Variants in CCDC33 observed in about 807,000 individuals in gnomAD.
CCDC33 encodes the protein coiled-coil domain containing 33.
Under a neutral mutation model 91.9 loss-of-function variants are expected in CCDC33, and 94 were observed. The ratio of observed to expected loss-of-function variants is 1.02; its 90% confidence interval spans 0.87 to 1.21. The LOEUF is 1.21. Ranked by LOEUF, CCDC33 falls within the 50% of genes most tolerant of loss-of-function variation. The pLI is 0.00. For synonymous variants in CCDC33, 396 were observed against 374.5 expected (o/e 1.06, Z -0.66); for missense variants, 940 against 935.5 (o/e 1.00, Z -0.06).
chr15:74,332,480 G>C (rs2060459318), intron 15 of CCDC33, among the ~76,000 whole-genome samples, 199 bp from the exon 16 acceptor site: 1 of 152,212 alleles, frequency 6.6e-6, no homozygotes. Flanking sequence ...AGGAGTTAGA[G>C]AGAACGTTGA....
At chr15:74,269,044 C>G (rs2076245798) in intron 5 of CCDC33, among the ~76,000 whole-genome samples, 1 of 152,226 alleles carries the variant, frequency 6.6e-6, no homozygotes, top group African/African-American at 2.4e-5. Context: ...AGGGCTGAGC[C>G]CACCTTGGGC....
intron 2 of CCDC33, among the ~76,000 whole-genome samples, chr15:74,259,635 T>C (rs2075967376): frequency 1.3e-5 from 2 of 152,158 alleles, no homozygotes; most frequent in South Asian, 4.1e-4. Context: ...TGCTTAACTC[T>C]TTCTCTGCTG....
intron 2 of CCDC33, among the ~76,000 whole-genome samples, chr15:74,221,946 T>G (rs1595883602): frequency 2.7e-5 from 4 of 150,788 alleles, no homozygotes; most frequent in Admixed American, 6.6e-5. Context: ...TTCCCCGGGG[T>G]AAGGGGGAGT....
rs144947847 is a variant in CCDC33, at chr15:74,311,361, C to T, written c.1290+15413C>T. ...ACAAATGGGACACAGTGGGCACATG[C>T]TTCGCAAAAATAATGAGAGGGAAGA... On this transcript the variant is annotated intron_variant, in intron 11 of 18. Coordinates refer to ENST00000398814, the MANE Select transcript of CCDC33 (RefSeq NM_025055.5). 2.0e-5 allele frequency among the ~76,000 whole-genome samples: 3 copies of T among 152,206 alleles called. No homozygotes were observed. The East Asian group carries it at 5.8e-4, about 30-fold the overall frequency.
At chr15:74,326,150 C>A (rs1386619547) in intron 11 of CCDC33, among the ~76,000 whole-genome samples, 2 of 152,134 alleles carry the variant, frequency 1.3e-5, no homozygotes, top group Non-Finnish European at 2.9e-5. Flanking sequence ...CATAGCAAGG[C>A]CCCATCTTTA....
chr15:74,205,361 G>GAT (rs2074236666), intron 1 of CCDC33, among the ~76,000 whole-genome samples: 2 of 152,188 alleles, frequency 1.3e-5, no homozygotes, highest in South Asian at 4.1e-4. Flanking sequence ...TTCTGGGGAG[G>GAT]GCCTCAGGAA....
Position 74,272,769 on chromosome 15 carries a change from A to G in CCDC33, c.639-2A>G. The G allele has an allele frequency of 6.2e-7, 1 of 1,613,938 alleles. No individual in the cohort carries two copies. The highest frequency in any genetic ancestry group is 1.3e-5 in the African/African-American group (1 of 75,062). On this transcript the variant is annotated splice_acceptor_variant, in intron 6 of 18. Coordinates refer to ENST00000398814, the MANE Select transcript of CCDC33 (RefSeq NM_025055.5). LOFTEE classifies it high-confidence loss of function. ...ACTGACCCTGTCTCCCTGCCTCCCC[A>G]GGGTCAGCCAGGCTAACAGGGACCT...
At chr15:74,221,336 G>A in intron 2 of CCDC33, 1 of 976,618 alleles carries the variant, frequency 1.0e-6, no homozygotes, top group Non-Finnish European at 1.2e-6. Context: ...TCCAGAATGA[G>A]AAGGAAGCGG....
In CCDC33 at chr15:74,217,836, A is replaced by T. The variant is rs554095478; in HGVS notation, c.310+255A>T. 2.0e-4 allele frequency among the ~76,000 whole-genome samples: 30 copies of T among 152,110 alleles called. No homozygotes were observed. The South Asian group carries it at 6.0e-3, about 31-fold the overall frequency. ...AGAAGGAAATAGAAGGGCAGATGAG[A>T]GATGGCTTTGTAAATGTAAAAGTGC... On this transcript the variant is annotated intron_variant, in intron 1 of 2. Transcript: ENST00000635913.
intron 2 of CCDC33, among the ~76,000 whole-genome samples, chr15:74,246,347 C>T (rs1447365044): frequency 6.6e-6 from 1 of 152,126 alleles, no homozygotes; most frequent in African/African-American, 2.4e-5. Flanking sequence ...AAAGCTTCTG[C>T]GCAGCAAAGG....
At chr15:74,318,487 G>T in intron 11 of CCDC33, 4 of 592,800 alleles carry the variant, frequency 6.7e-6, no homozygotes, top group East Asian at 3.2e-5. Context: ...CCATGGGCCT[G>T]CCTGCTTCCA....
At chr15:74,266,070 A>G (rs924352691) in intron 3 of CCDC33, among the ~76,000 whole-genome samples, 1 of 152,242 alleles carries the variant, frequency 6.6e-6, no homozygotes, top group African/African-American at 2.4e-5. Context: ...ATGAGAAAAT[A>G]TAGTCTCTTT....
chr15:74,225,565 C>T (rs1188025335), intron 2 of CCDC33, among the ~76,000 whole-genome samples: 1 of 152,104 alleles, frequency 6.6e-6, no homozygotes, highest in Non-Finnish European at 1.5e-5. Context: ...AGATTCACCC[C>T]GAGACACCAA....
At position 74,335,053 on chromosome 15, in the gene CCDC33, AG is replaced by A; in HGVS notation, c.2106del (p.Arg702SerfsTer9). On this transcript the variant is annotated frameshift_variant, in exon 18 of 19. Coordinates refer to ENST00000398814, the MANE Select transcript of CCDC33 (RefSeq NM_025055.5). LOFTEE classifies it low-confidence loss of function (END_TRUNC). Reference protein sequence around the residue: ...TRLQEQEKGFRHPSNSIIIEQ... With the variant: ...TRLQEQEKGFXHPSNSIIIEQ... The stretch of plus-strand genomic sequence containing the variant: ...GCTGCAGGAGCAAGAAAAAGGTTTC[AG>A]GCACCCCTCGAACTCCATCATCATA... 1 of 1,614,088 alleles carries A rather than the reference AG, an allele frequency of 6.2e-7. No individual in the cohort carries two copies. Among genetic ancestry groups the A allele is most frequent in the Non-Finnish European group, 8.5e-7 (1 of 1,179,974 alleles).
chr15:74,290,603 T>C (rs1399404018), intron 10 of CCDC33, among the ~76,000 whole-genome samples: 1 of 151,966 alleles, frequency 6.6e-6, no homozygotes, highest in Admixed American at 6.6e-5. Context: ...AAATAGTGGG[T>C]TGGAAATTGG....
chr15:74,271,887 G>T, intron 6 of CCDC33, 93 bp downstream of exon 6: 1 of 1,103,988 alleles, frequency 9.1e-7, no homozygotes, highest in Non-Finnish European at 1.3e-6. Context: ...GCTGATTCCA[G>T]GACCTCCGGC....
chr15:74,209,651 C>T (rs1258151038), intron 2 of CCDC33: 6 of 571,758 alleles, frequency 1.0e-5, no homozygotes, highest in Non-Finnish European at 1.5e-5. Context: ...CAAGTACATG[C>T]CTGCAACCTC....
At chr15:74,271,317 G>C (rs2076309457) in intron 5 of CCDC33, among the ~76,000 whole-genome samples, 1 of 152,128 alleles carries the variant, frequency 6.6e-6, no homozygotes, top group South Asian at 2.1e-4. Flanking sequence ...CCAAGGAGCT[G>C]GAACACCTAG....
At position 74,218,658 on chromosome 15, in the gene CCDC33, G is replaced by A. The variant is rs547495824; in HGVS notation, c.472G>A (p.Glu158Lys). ...CATGAACCCAAAGGCTCAGGATCACGAGGACCTGTACCGCTACTGTGGCAA... is the reference window on the plus strand; with the variant it reads ...CATGAACCCAAAGGCTCAGGATCACAAGGACCTGTACCGCTACTGTGGCAA... The change falls in exon 2 of 3, where the codon GAG becomes AAG. Residue 158 changes from glutamate (E) to lysine (K), a missense_variant. Coordinates refer to the CCDC33 transcript ENST00000635913. The surrounding 1 kb of genome is among the most constrained non-coding windows in gnomAD (Gnocchi z 4.8). 9.3e-6 allele frequency: 12 copies of A among 1,289,840 alleles called. No homozygotes were observed. Among genetic ancestry groups the A allele is most frequent in the East Asian group, 5.6e-5 (1 of 18,018 alleles). 79.9% of individuals were successfully genotyped at this position (1,289,840 alleles called of 1,614,324 possible). A position where few individuals can be genotyped will look rare whatever the true frequency, so the allele number is the denominator to read the frequency against.
Sources: allele counts gnomAD v4.1 joint callset (sites outside exome capture counted in the v4.1 genomes callset), GRCh38; gene constraint gnomAD v4.1.1; non-coding constraint Gnocchi (gnomAD v3.1); transcripts MANE v1.5; gene names NCBI Gene and HGNC (gene_info 2026-07-23, HGNC 2026-07-21).